Variants in HIVEP3 observed in about 807,000 individuals in gnomAD.
HIVEP3 encodes the protein HIVEP zinc finger 3.
Under a neutral mutation model 152.8 loss-of-function variants are expected in HIVEP3, and 49 were observed. That is an observed-to-expected ratio of 0.32 (90% CI 0.26 to 0.41). The LOEUF (loss-of-function observed/expected upper bound fraction) is 0.41. Ranked by LOEUF, HIVEP3 falls within the 10% of genes least tolerant of loss-of-function variation. The pLI, the probability that HIVEP3 is intolerant of heterozygous loss-of-function variation, is 1.00. For synonymous variants in HIVEP3, 1,269 were observed against 1,289.0 expected (o/e 0.98, Z 0.33); for missense variants, 2,790 against 3,103.3 (o/e 0.90, Z 2.40).
intron 1 of HIVEP3, among the ~76,000 whole-genome samples, chr1:41,798,365 A>C (rs1650104677): frequency 6.6e-6 from 1 of 151,860 alleles, no homozygotes; most frequent in Non-Finnish European, 1.5e-5. Flanking sequence ...TGTCAGCACC[A>C]TTGAGTTCCT....
intron 1 of HIVEP3, among the ~76,000 whole-genome samples, chr1:41,855,617 T>C (rs1444602798): frequency 2.6e-5 from 4 of 152,204 alleles, no homozygotes; most frequent in East Asian, 1.9e-4. Flanking sequence ...TCCCTAACTC[T>C]TGAAGTCAAA....
At position 41,579,827 on chromosome 1, in the gene HIVEP3, C is replaced by T; in HGVS notation, c.4971G>A (p.Val1657=). ...ALSLLRSKQK[V]SKETYTMATA... ...TGGCCATGGTGTATGTCTCTTTGCTCACTTTCTGCTTAGACCTCAGGAGGG... is the reference window on the plus strand; with the variant it reads ...TGGCCATGGTGTATGTCTCTTTGCTTACTTTCTGCTTAGACCTCAGGAGGG... The change falls in exon 4 of 9, where the codon GTG becomes GTA. Residue 1657 remains valine (V), a synonymous_variant. Coordinates refer to ENST00000372583, the MANE Select transcript of HIVEP3 (RefSeq NM_024503.5). 6.2e-7 allele frequency: 1 copy of T among 1,613,978 alleles called. No homozygotes were observed. Among genetic ancestry groups the T allele is most frequent in the Non-Finnish European group, 8.5e-7 (1 of 1,179,884 alleles).
At chr1:41,647,547 C>A (rs1645479245) in intron 2 of HIVEP3, among the ~76,000 whole-genome samples, 1 of 152,246 alleles carries the variant, frequency 6.6e-6, no homozygotes, top group South Asian at 2.1e-4. Flanking sequence ...TCTCCACTCT[C>A]CCCATCATAG....
intron 1 of HIVEP3, among the ~76,000 whole-genome samples, chr1:41,992,027 C>T (rs1242295059): frequency 2.7e-5 from 4 of 149,594 alleles, no homozygotes; most frequent in African/African-American, 1.0e-4. Context: ...CTATGACAAA[C>T]CCACAGCCAA....
Position 41,557,292 on chromosome 1 carries a change from G to A in HIVEP3, c.5207+18252C>T, listed in dbSNP as rs141408244. Among the ~76,000 whole-genome samples the A allele has an allele frequency of 5.3e-5, 8 of 152,330 alleles. No homozygotes were observed. In the East Asian group the frequency reaches 1.5e-3, roughly 29 times the overall value. ...CCTTTAAGGAGTGACACCCTGGGAG[G>A]AGGTGGCTGGATAAACTGCTGGCTG... is the stretch of plus-strand genomic sequence containing the variant. On this transcript the variant is annotated intron_variant, in intron 5 of 8. Transcript: ENST00000372583.
At chr1:41,943,256 A>C (rs1256837596) in intron 1 of HIVEP3, among the ~76,000 whole-genome samples, 6 of 152,202 alleles carry the variant, frequency 3.9e-5, no homozygotes, top group African/African-American at 1.2e-4. Flanking sequence ...TAAACCAAAA[A>C]TTAATAAAAT....
intron 1 of HIVEP3, among the ~76,000 whole-genome samples, chr1:41,827,424 C>T (rs1340910872): frequency 6.6e-6 from 1 of 152,098 alleles, no homozygotes. Context: ...AGTGAATGAC[C>T]CTCTTATGCC....
intron 1 of HIVEP3, among the ~76,000 whole-genome samples, chr1:41,720,115 G>A (rs1488633886): frequency 3.3e-5 from 5 of 152,228 alleles, no homozygotes; most frequent in East Asian, 3.9e-4. Flanking sequence ...GCTTTCCTAC[G>A]TCTCCCCTCA....
At position 41,839,561 on chromosome 1, in the gene HIVEP3, G is replaced by A. The variant is rs557234412; in HGVS notation, c.-801+78852C>T. On this transcript the variant is annotated intron_variant, in intron 1 of 8. Transcript: ENST00000372583. ...GCACCTCCTTTCTAAGTTGCCCATA[G>A]GAGGATTCCAGGGATGGAACTAACA... is the stretch of plus-strand genomic sequence containing the variant. Among the ~76,000 whole-genome samples the A allele has an allele frequency of 1.6e-3, 240 of 152,324 alleles. 1 individual carries two copies. The highest frequency in any genetic ancestry group is 2.9e-3 in the Non-Finnish European group (197 of 68,026).
chr1:41,699,341 CTCA>C (rs1646325909), intron 2 of HIVEP3, among the ~76,000 whole-genome samples: 1 of 152,258 alleles, frequency 6.6e-6, no homozygotes, highest in Admixed American at 6.5e-5. Flanking sequence ...CCAGAACCTA[CTCA>C]TTCTACACTC....
chr1:41,943,738 A>C (rs939830503), intron 1 of HIVEP3, among the ~76,000 whole-genome samples: 3 of 152,232 alleles, frequency 2.0e-5, no homozygotes, highest in Admixed American at 2.0e-4. Context: ...GGCATCTGAA[A>C]GTTATTGGCA....
chr1:41,785,642 T>C (rs751510106), intron 1 of HIVEP3, among the ~76,000 whole-genome samples: 21 of 152,322 alleles, frequency 1.4e-4, no homozygotes, highest in Non-Finnish European at 3.1e-4. Context: ...AAACCAAGAA[T>C]ATAAAGCTGT....
intron 1 of HIVEP3, among the ~76,000 whole-genome samples, chr1:42,028,855 G>A (rs1645596598): frequency 6.6e-6 from 1 of 152,172 alleles, no homozygotes; most frequent in South Asian, 2.1e-4. Context: ...GGCCAGGGTG[G>A]GGAATATGGC....
chr1:41,576,834 T>C (rs1644334407), intron 4 of HIVEP3, among the ~76,000 whole-genome samples: 1 of 152,204 alleles, frequency 6.6e-6, no homozygotes, highest in African/African-American at 2.4e-5. Flanking sequence ...TTAGACCATC[T>C]TGAAGATCAA....
At chr1:41,790,486 TA>T (rs2124297349) in intron 1 of HIVEP3, among the ~76,000 whole-genome samples, 1 of 152,352 alleles carries the variant, frequency 6.6e-6, no homozygotes, top group East Asian at 1.9e-4. Context: ...ACAAACAGAT[TA>T]ACACACCATG....
At chr1:41,965,124 A>G (rs1448207127) in intron 1 of HIVEP3, among the ~76,000 whole-genome samples, 21 of 152,234 alleles carry the variant, frequency 1.4e-4, no homozygotes, top group Admixed American at 1.4e-3. Flanking sequence ...GGCCAAGGTG[A>G]ATAGGGTCTA....
chr1:42,000,146 T>C (rs1645418781), intron 1 of HIVEP3, among the ~76,000 whole-genome samples: 1 of 152,264 alleles, frequency 6.6e-6, no homozygotes. Flanking sequence ...TTCTCTGCTC[T>C]GCTTGTATCC....
intron 1 of HIVEP3, among the ~76,000 whole-genome samples, chr1:41,740,545 G>T (rs1223541756): frequency 2.6e-5 from 4 of 152,216 alleles, no homozygotes; most frequent in Non-Finnish European, 4.4e-5. Flanking sequence ...TGGGGAAGAA[G>T]GTAAAAACTG....
intron 1 of HIVEP3, among the ~76,000 whole-genome samples, chr1:41,951,289 T>C (rs1388513837): frequency 6.6e-6 from 1 of 152,200 alleles, no homozygotes; most frequent in Admixed American, 6.5e-5. Flanking sequence ...TAACATAATG[T>C]TTAGGGGAAA....
Sources: gnomAD v4.1 joint callset for allele counts (sites outside exome capture counted in the v4.1 genomes callset) on GRCh38, gnomAD v4.1.1 for gene constraint, MANE v1.5 for transcripts, NCBI Gene and HGNC (gene_info 2026-07-23, HGNC 2026-07-21) for gene names.